CDKN2B-AS1: variants seen among roughly 807,000 people sequenced by gnomAD.
CDKN2B-AS1 encodes the protein CDKN2B and CDKN2A antisense cis and trans regulatory RNA 1, also known as CDKN2B antisense RNA 1 (non-protein coding).
At chr9:22,079,974 G>A (rs570953320) in intron 4 of CDKN2B-AS1, among the ~76,000 whole-genome samples, 31 of 152,230 alleles carry the variant, frequency 2.0e-4, no homozygotes, top group Non-Finnish European at 4.1e-4. Flanking sequence ...TTATGAAAAC[G>A]AATTTTACAG....
At chr9:22,088,033 GA>G (rs1824923251) in intron 4 of CDKN2B-AS1, among the ~76,000 whole-genome samples, 3 of 152,142 alleles carry the variant, frequency 2.0e-5, no homozygotes, top group African/African-American at 7.2e-5. Context: ...GCCACAATCA[GA>G]AGAACTAAAA....
At chr9:22,053,432 G>A (rs1169081043) in intron 3 of CDKN2B-AS1, among the ~76,000 whole-genome samples, 1 of 152,152 alleles carries the variant, frequency 6.6e-6, no homozygotes, top group East Asian at 1.9e-4. Context: ...TTTGCCATAG[G>A]CCCAGGCTGT....
intron 1 of CDKN2B-AS1, among the ~76,000 whole-genome samples, chr9:22,010,692 G>A (rs192264397): frequency 8.8e-4 from 134 of 152,252 alleles, no homozygotes; most frequent in Middle Eastern, 3.4e-3. Context: ...GAAGGGAACC[G>A]GGTAGCATTA....
At chr9:22,015,505 CTT>C (rs1285502195) in intron 1 of CDKN2B-AS1, among the ~76,000 whole-genome samples, 1 of 151,946 alleles carries the variant, frequency 6.6e-6, no homozygotes, top group African/African-American at 2.4e-5. Flanking sequence ...GCCAAATAAT[CTT>C]GTTTGAATTT....
At chr9:22,016,906 A>G (rs1339597945) in intron 1 of CDKN2B-AS1, among the ~76,000 whole-genome samples, 1 of 152,214 alleles carries the variant, frequency 6.6e-6, no homozygotes, top group East Asian at 1.9e-4. Context: ...AACCCATTAT[A>G]GTTATTATTC....
At chr9:22,071,504 G>C (rs892631926) in intron 4 of CDKN2B-AS1, among the ~76,000 whole-genome samples, 2 of 151,866 alleles carry the variant, frequency 1.3e-5, no homozygotes, top group Non-Finnish European at 2.9e-5. Context: ...AAGTGGTAGT[G>C]CTGTCAAAAG....
At chr9:22,126,982 A>G (rs552353184) in intron 4 of CDKN2B-AS1, among the ~76,000 whole-genome samples, 1 of 152,268 alleles carries the variant, frequency 6.6e-6, no homozygotes, top group African/African-American at 2.4e-5. Context: ...AATCTTTTAC[A>G]TTGTTTGATC....
chr9:22,079,501 C>T (rs1184987228), intron 4 of CDKN2B-AS1, among the ~76,000 whole-genome samples: 2 of 139,066 alleles, frequency 1.4e-5, no homozygotes, highest in African/African-American at 5.8e-5. Flanking sequence ...GAGCAAAACA[C>T]CATCTAAAAA....
intron 4 of CDKN2B-AS1, among the ~76,000 whole-genome samples, chr9:22,099,242 T>C (rs1448532268): frequency 1.3e-5 from 2 of 152,044 alleles, no homozygotes; most frequent in Admixed American, 6.5e-5. Flanking sequence ...GTCTAGAGCA[T>C]AGGGTAGTAG....
At chr9:22,126,574 C>CTTTTTTTTTTTTTTTTTTTTTTTTTT (rs34700018) in intron 4 of CDKN2B-AS1, among the ~76,000 whole-genome samples, 1 of 104,892 alleles carries the variant, frequency 9.5e-6, no homozygotes, top group African/African-American at 4.0e-5. Context: ...TAAGTGGATT[C>CTTTTTTTTTTTTTTTTTTTTTTTTTT]TTTTTTTTTT....
At chr9:22,115,392 G>A (rs374319921) in intron 4 of CDKN2B-AS1, among the ~76,000 whole-genome samples, 1 of 152,098 alleles carries the variant, frequency 6.6e-6, no homozygotes, top group Non-Finnish European at 1.5e-5. Flanking sequence ...AGAAAACTGC[G>A]ATATATGATC....
intron 1 of CDKN2B-AS1, among the ~76,000 whole-genome samples, chr9:22,019,327 A>G (rs1263988457): frequency 6.6e-6 from 1 of 152,216 alleles, no homozygotes; most frequent in Non-Finnish European, 1.5e-5. Context: ...GCAAGAGTGG[A>G]TTCTGTGGGC....
chr9:22,002,519 G>A (rs1295722360), intron 1 of CDKN2B-AS1, among the ~76,000 whole-genome samples: 1 of 151,904 alleles, frequency 6.6e-6, no homozygotes, highest in Non-Finnish European at 1.5e-5. Flanking sequence ...AATGCACACA[G>A]TGTGTTAATA....
At chr9:22,103,409 G>T (rs1375439255) in intron 4 of CDKN2B-AS1, among the ~76,000 whole-genome samples, 1 of 152,052 alleles carries the variant, frequency 6.6e-6, no homozygotes, top group Non-Finnish European at 1.5e-5. Flanking sequence ...CTTAACTCTG[G>T]GCTACAGCTG....
At chr9:22,046,278 C>A (rs1823106644) in intron 1 of CDKN2B-AS1, 2 of 152,074 alleles carry the variant, frequency 1.3e-5, no homozygotes, top group Non-Finnish European at 1.5e-5. Context: ...TTAATAGCAA[C>A]TTCATGAAAT....
chr9:22,058,225 C>G (rs1823654754), intron 4 of CDKN2B-AS1: 1 of 152,344 alleles, frequency 6.6e-6, no homozygotes, highest in Non-Finnish European at 1.5e-5. Context: ...CAGTGAAAAC[C>G]AGTATTGAAA....
intron 4 of CDKN2B-AS1, chr9:22,097,254 C>G (rs1044505182): frequency 6.6e-6 from 1 of 152,150 alleles, no homozygotes; most frequent in Non-Finnish European, 1.5e-5. Flanking sequence ...GTTTCCCTAC[C>G]CAGGTGGAGA....
At chr9:22,091,732 TGGG>T (rs1563975862) in intron 4 of CDKN2B-AS1, among the ~76,000 whole-genome samples, 1 of 152,086 alleles carries the variant, frequency 6.6e-6, no homozygotes, top group Non-Finnish European at 1.5e-5. Flanking sequence ...GCTGAGACGA[TGGG>T]GTTTTCTAGA....
At chr9:22,094,027 T>G (rs560201484) in intron 4 of CDKN2B-AS1, among the ~76,000 whole-genome samples, 1 of 144,640 alleles carries the variant, frequency 6.9e-6, no homozygotes, top group East Asian at 2.0e-4. Context: ...TGACAAAATC[T>G]CTTAGCATTT....
Sources: gnomAD v4.1 joint callset for allele counts (sites outside exome capture counted in the v4.1 genomes callset) on GRCh38, gnomAD v4.1.1 for gene constraint, MANE v1.5 for transcripts, NCBI Gene and HGNC (gene_info 2026-07-23, HGNC 2026-07-21) for gene names.